SRGAP2: variants seen among roughly 807,000 people sequenced by gnomAD.
SRGAP2 encodes the protein SLIT-ROBO Rho GTPase-activating protein 2.
Under a neutral mutation model 57.2 loss-of-function variants are expected in SRGAP2, and 15 were observed. The ratio of observed to expected loss-of-function variants is 0.26; its 90% CI spans 0.18 to 0.40. SRGAP2 has a LOEUF of 0.40. Among genes scored for constraint, SRGAP2 ranks in the 10% least tolerant of loss-of-function variants. The pLI, the probability that SRGAP2 is intolerant of heterozygous loss-of-function variation, is 1.00. For synonymous variants in SRGAP2, 249 were observed against 248.0 expected (o/e 1.00, Z -0.04); for missense variants, 520 against 669.6 (o/e 0.78, Z 2.47).
intron 5 of SRGAP2, among the ~76,000 whole-genome samples, chr1:206,384,709 T>A (rs1182126518): frequency 6.6e-6 from 1 of 150,638 alleles, no homozygotes; most frequent in East Asian, 1.9e-4. Context: ...TGCCTGTGGC[T>A]GGTGCGTGTT....
At chr1:206,206,279 T>G in intron 2 of SRGAP2, 1 of 477,746 alleles carries the variant, frequency 2.1e-6, no homozygotes, top group Non-Finnish European at 3.8e-6. Flanking sequence ...CTGACCATGA[T>G]TTTGGCAGCC....
intron 4 of SRGAP2, among the ~76,000 whole-genome samples, chr1:206,366,640 G>C (rs1403805348): frequency 6.6e-6 from 1 of 152,080 alleles, no homozygotes; most frequent in Non-Finnish European, 1.5e-5. Context: ...GTGTTTGGAA[G>C]GGATCAAGAA....
At chr1:206,426,248 A>G (rs781823819) in intron 13 of SRGAP2, among the ~76,000 whole-genome samples, 16 of 152,104 alleles carry the variant, frequency 1.1e-4, no homozygotes, top group Non-Finnish European at 2.1e-4. Flanking sequence ...GTGCCTGGCT[A>G]ATTTTACTTA....
At chr1:206,241,244 G>C (rs555675289) in intron 2 of SRGAP2, among the ~76,000 whole-genome samples, 4 of 152,336 alleles carry the variant, frequency 2.6e-5, no homozygotes, top group Non-Finnish European at 4.4e-5. Flanking sequence ...GAGAGAAGAA[G>C]AGAGAGAAAC....
intron 22 of SRGAP2, among the ~76,000 whole-genome samples, chr1:206,459,909 G>A (rs2483057): frequency 0.046 from 7,004 of 152,238 alleles, 508 homozygotes; most frequent in African/African-American, 0.15. Flanking sequence ...GCTGCAATCT[G>A]CCTTGCGCTA....
At chr1:206,430,279 G>A (rs1553367947) in intron 14 of SRGAP2, 57 bp downstream of exon 14, 3 of 778,484 alleles carry the variant, frequency 3.9e-6, no homozygotes, top group East Asian at 2.4e-5. Context: ...GAACTTCCAG[G>A]AATTCTTTGT....
chr1:206,283,882 G>A (rs1487271891), intron 2 of SRGAP2, among the ~76,000 whole-genome samples: 3,549 of 136,422 alleles, frequency 0.026, 160 homozygotes, highest in African/African-American at 0.093. Context: ...ATATAAAGAT[G>A]TTTTCTCATT....
At chr1:206,359,492 T>C (rs1360469963) in intron 4 of SRGAP2, among the ~76,000 whole-genome samples, 16 of 59,060 alleles carry the variant, frequency 2.7e-4, no homozygotes, top group African/African-American at 8.5e-4. Flanking sequence ...GAATTAGATT[T>C]ACCAGAAGGC....
At chr1:206,423,949 ATTTTTTTTTTTT>A (rs782243765) in intron 13 of SRGAP2, among the ~76,000 whole-genome samples, 1 of 87,744 alleles carries the variant, frequency 1.1e-5, no homozygotes, top group Admixed American at 1.3e-4. Context: ...TAATTTATGT[ATTTTTTTTTTTT>A]TTTTTTTTTT....
intron 7 of SRGAP2, among the ~76,000 whole-genome samples, chr1:206,401,089 C>G (rs1362615752): frequency 6.6e-6 from 1 of 151,710 alleles, no homozygotes. Flanking sequence ...AATGACAACC[C>G]CAGATAAACC....
At chr1:206,285,020 G>A (rs1195801128) in intron 2 of SRGAP2, among the ~76,000 whole-genome samples, 2 of 151,166 alleles carry the variant, frequency 1.3e-5, no homozygotes, top group African/African-American at 4.9e-5. Context: ...AAAAGGAAAC[G>A]AAGGAGTTGC....
In SRGAP2 at chr1:206,413,811, C is replaced by T. The variant is rs545293067; in HGVS notation, c.1357-2078C>T. Among the ~76,000 whole-genome samples the T allele has an allele frequency of 1.2e-4, 18 of 152,206 alleles. No homozygotes were observed. In the South Asian group the frequency reaches 3.3e-3, roughly 28 times the overall value. ...GAGTAATAAACCCTCTGTGACAGGGCTGTATGAGAAGTGCTGTCATGGAGA... is the reference window on the plus strand; with the variant it reads ...GAGTAATAAACCCTCTGTGACAGGGTTGTATGAGAAGTGCTGTCATGGAGA... On this transcript the variant is annotated intron_variant, in intron 10 of 22. Coordinates refer to ENST00000573034, the MANE Select transcript of SRGAP2 (RefSeq NM_015326.5).
At chr1:206,361,381 A>G (rs527457641) in intron 4 of SRGAP2, among the ~76,000 whole-genome samples, 1 of 152,284 alleles carries the variant, frequency 6.6e-6, no homozygotes, top group South Asian at 2.1e-4. Context: ...TGTGAATCCT[A>G]CACAAGAATT....
At chr1:206,441,467 A>G (rs1028354269) in intron 17 of SRGAP2, among the ~76,000 whole-genome samples, 1 of 152,162 alleles carries the variant, frequency 6.6e-6, no homozygotes, top group Non-Finnish European at 1.5e-5. Context: ...ATGACAGGAA[A>G]GGCACCAAGC....
In SRGAP2 at chr1:206,454,759, C is replaced by T. The variant is rs1266374768; in HGVS notation, c.2361-119C>T. 2 of 611,774 alleles carry T rather than the reference C, an allele frequency of 3.3e-6. No homozygotes were observed. The highest frequency in any genetic ancestry group is 3.7e-5 in the African/African-American group (2 of 54,134). The allele number at this position is 611,774 out of a possible 1,614,324, so 37.9% of individuals were successfully genotyped here. ...GAACTAGTCCAGCCAGGTGTCGCTGCTGCCTCAGAGCTGTGTGGGGTCGCG... is the reference window on the plus strand; with the variant it reads ...GAACTAGTCCAGCCAGGTGTCGCTGTTGCCTCAGAGCTGTGTGGGGTCGCG... On this transcript the variant is annotated intron_variant, in intron 20 of 22. Transcript: ENST00000573034. The surrounding 1 kb of genome is among the most constrained non-coding windows in gnomAD (Gnocchi z 4.3).
At chr1:206,313,821 G>A (rs1672849690) in intron 3 of SRGAP2, among the ~76,000 whole-genome samples, 2 of 150,774 alleles carry the variant, frequency 1.3e-5, no homozygotes, top group South Asian at 2.1e-4. Flanking sequence ...AAAAGAAGGG[G>A]AATTTATCCT....
chr1:206,311,187 T>G (rs1672612738), intron 3 of SRGAP2, among the ~76,000 whole-genome samples: 1 of 151,424 alleles, frequency 6.6e-6, no homozygotes, highest in African/African-American at 2.4e-5. Context: ...GGCTGGGAAG[T>G]GTAGTTATTG....
chr1:206,433,627 C>A (rs1661462957), intron 14 of SRGAP2, among the ~76,000 whole-genome samples: 2 of 149,084 alleles, frequency 1.3e-5, no homozygotes, highest in East Asian at 1.9e-4. Context: ...TAGGGTGAGA[C>A]CCTGTCTCAA....
intron 14 of SRGAP2, among the ~76,000 whole-genome samples, chr1:206,435,968 C>G (rs1014770954): frequency 6.6e-6 from 1 of 152,156 alleles, no homozygotes; most frequent in Non-Finnish European, 1.5e-5. Flanking sequence ...GGAACCAGTG[C>G]CTAGCACAAT....
Sources: gnomAD v4.1 joint callset for allele counts (sites outside exome capture counted in the v4.1 genomes callset) on GRCh38, gnomAD v4.1.1 for gene constraint, Gnocchi (gnomAD v3.1) non-coding constraint, MANE v1.5 for transcripts, NCBI Gene and HGNC (gene_info 2026-07-23, HGNC 2026-07-21) for gene names.